Variants in TMOD3 observed in about 807,000 individuals in gnomAD.
TMOD3 encodes the protein tropomodulin 3, also known as tropomodulin-3.
A neutral mutation model predicts 39.2 loss-of-function variants in TMOD3; 20 were observed. That is an observed-to-expected ratio of 0.51 (90% CI 0.36 to 0.74). TMOD3 has a LOEUF of 0.74. TMOD3 is among the 30% of genes least tolerant of loss of function. The pLI is 0.00. For synonymous variants in TMOD3, 143 were observed against 145.8 expected (o/e 0.98, Z 0.14); for missense variants, 381 against 412.8 (o/e 0.92, Z 0.67).
intron 7 of TMOD3, among the ~76,000 whole-genome samples, chr15:51,898,366 T>C (rs539592778): frequency 6.6e-6 from 1 of 152,362 alleles, no homozygotes; most frequent in South Asian, 2.1e-4. Context: ...CCGTGCTATA[T>C]AAAATACCAA....
intron 7 of TMOD3, among the ~76,000 whole-genome samples, chr15:51,898,205 C>A (rs1011693425): frequency 6.6e-6 from 1 of 152,182 alleles, no homozygotes; most frequent in African/African-American, 2.4e-5. Flanking sequence ...GCCATACAGC[C>A]TTCTTCAGCA....
At chr15:51,864,633 A>T (rs943619961) in intron 2 of TMOD3, among the ~76,000 whole-genome samples, 4 of 152,204 alleles carry the variant, frequency 2.6e-5, no homozygotes, top group African/African-American at 7.2e-5. Flanking sequence ...CATGGTCCAG[A>T]GCCTTTATTG....
chr15:51,836,448 T>G (rs940760433), intron 1 of TMOD3, among the ~76,000 whole-genome samples: 44 of 152,228 alleles, frequency 2.9e-4, no homozygotes, highest in Admixed American at 2.8e-3. Flanking sequence ...ATACTACTCT[T>G]AAGAATTCGT....
Position 51,912,851 on chromosome 15 carries a change from A to G in TMOD3, c.*4041A>G, listed in dbSNP as rs1265307734. On this transcript the variant is annotated 3_prime_UTR_variant, in exon 10 of 10. Coordinates refer to ENST00000308580, the MANE Select transcript of TMOD3 (RefSeq NM_014547.5). The stretch of plus-strand genomic sequence containing the variant: ...AAGTATCTGTAAAATTATCCTCTCC[A>G]TCAGCTCTCACTGATCATTAATGTT... 6.6e-6 allele frequency: 1 copy of G among 152,162 alleles called. No individual in the cohort carries two copies. The highest frequency in any genetic ancestry group is 1.5e-5 in the Non-Finnish European group (1 of 68,022). 9.4% of individuals were successfully genotyped at this position (152,162 alleles called of 1,614,324 possible). A position where few individuals can be genotyped will look rare whatever the true frequency, so the allele number is the denominator to read the frequency against.
Position 51,865,903 on chromosome 15 carries a change from A to AT in TMOD3, c.126+2893_126+2894insT, listed in dbSNP as rs1555386229. Among the ~76,000 whole-genome samples, 29 of 151,676 alleles carry AT rather than the reference A, an allele frequency of 1.9e-4. 1 individual carries two copies. The highest frequency in any genetic ancestry group is 3.4e-4 in the African/African-American group (14 of 41,274). On this transcript the variant is annotated intron_variant, in intron 2 of 9. Coordinates refer to ENST00000308580, the MANE Select transcript of TMOD3 (RefSeq NM_014547.5). ...CTCACTGAGTTTTTGCCAAAAAAAAAATATATATATATGTCTCCAGAAGAC... is the reference window on the plus strand; with the variant it reads ...CTCACTGAGTTTTTGCCAAAAAAAAATATATATATATATGTCTCCAGAAGAC...
chr15:51,891,386 G>A (rs2056592572), intron 5 of TMOD3, among the ~76,000 whole-genome samples: 1 of 151,792 alleles, frequency 6.6e-6, no homozygotes, highest in African/African-American at 2.4e-5. Flanking sequence ...TCTGTAAACT[G>A]TTAGTTCTAG....
At chr15:51,852,681 A>G (rs1297579736) in intron 1 of TMOD3, among the ~76,000 whole-genome samples, 1 of 152,180 alleles carries the variant, frequency 6.6e-6, no homozygotes, top group Non-Finnish European at 1.5e-5. Context: ...AGGTAGCTGG[A>G]GGAGAAAGAG....
At chr15:51,885,774 A>G (rs1388697378) in intron 3 of TMOD3, among the ~76,000 whole-genome samples, 4 of 152,294 alleles carry the variant, frequency 2.6e-5, no homozygotes, top group African/African-American at 9.6e-5. Context: ...CGCCATCGTC[A>G]TCATGGCCCG....
intron 1 of TMOD3, among the ~76,000 whole-genome samples, chr15:51,843,513 T>C (rs749725936): frequency 6.6e-6 from 1 of 152,190 alleles, no homozygotes; most frequent in Non-Finnish European, 1.5e-5. Context: ...GATACAGATG[T>C]TAGAGCAGGA....
chr15:51,866,555 C>T (rs960955958), intron 2 of TMOD3, among the ~76,000 whole-genome samples: 1 of 152,134 alleles, frequency 6.6e-6, no homozygotes, highest in Admixed American at 6.5e-5. Context: ...GCCAGGATTT[C>T]AGCTATCATA....
At chr15:51,894,583 C>G (rs1349099317) in intron 6 of TMOD3, among the ~76,000 whole-genome samples, 1 of 152,098 alleles carries the variant, frequency 6.6e-6, no homozygotes, top group Non-Finnish European at 1.5e-5. Flanking sequence ...ATTCTCTGAC[C>G]CCCAGCTCTA....
chr15:51,872,583 T>G (rs1173863871), intron 3 of TMOD3, among the ~76,000 whole-genome samples: 1 of 150,670 alleles, frequency 6.6e-6, no homozygotes, highest in Non-Finnish European at 1.5e-5. Flanking sequence ...CATATATTTT[T>G]TGTGAGGACC....
chr15:51,901,572 AGTGTGTGTGTGTGTGT>A (rs57976840), intron 8 of TMOD3: 62 of 184,896 alleles, frequency 3.4e-4, no homozygotes, highest in South Asian at 1.3e-3. Context: ...TAAAAAGTTT[AGTGTGTGTGTGTGTGT>A]GTGTGTGTGT....
In TMOD3 at chr15:51,910,880, T is replaced by C. The variant is rs1239673598; in HGVS notation, c.*2070T>C. ...GTCAGTTAAAGGCCACTGATATTTT[T>C]CTAAGTTAGCAAGGCTCACTTGCTT... On this transcript the variant is annotated 3_prime_UTR_variant, in exon 10 of 10. Transcript: ENST00000308580. 1.3e-5 allele frequency: 2 copies of C among 152,212 alleles called. No homozygotes were observed. The highest frequency in any genetic ancestry group is 2.4e-5 in the African/African-American group (1 of 41,450). The allele number at this position is 152,212 out of a possible 1,614,324, so 9.4% of individuals were successfully genotyped here. A position where few individuals can be genotyped will look rare whatever the true frequency, so the allele number is the denominator to read the frequency against.
chr15:51,867,538 T>C (rs1458865962), intron 2 of TMOD3, among the ~76,000 whole-genome samples: 1 of 152,236 alleles, frequency 6.6e-6, no homozygotes, highest in Non-Finnish European at 1.5e-5. Context: ...AAAATTATTA[T>C]GTGTCTCAAC....
At chr15:51,854,929 C>A (rs771180149) in intron 1 of TMOD3, among the ~76,000 whole-genome samples, 9 of 151,976 alleles carry the variant, frequency 5.9e-5, no homozygotes, top group Non-Finnish European at 1.3e-4. Flanking sequence ...TCCTGGAAGT[C>A]CAGTGTGAAA....
intron 6 of TMOD3, among the ~76,000 whole-genome samples, chr15:51,894,919 T>C (rs956179110): frequency 1.3e-5 from 2 of 152,212 alleles, no homozygotes; most frequent in African/African-American, 4.8e-5. Flanking sequence ...TATTTTGAGT[T>C]TTAAACAATG....
chr15:51,861,008 GA>G, intron 1 of TMOD3: 1 of 674,152 alleles, frequency 1.5e-6, no homozygotes, highest in Non-Finnish European at 2.5e-6. Context: ...AGGCACTTCG[GA>G]AAACACCTTG....
chr15:51,894,590 T>C (rs1036690853), intron 6 of TMOD3, among the ~76,000 whole-genome samples: 1 of 152,188 alleles, frequency 6.6e-6, no homozygotes, highest in Non-Finnish European at 1.5e-5. Flanking sequence ...GACCCCCAGC[T>C]CTAGCCCCTG....
Sources: gnomAD v4.1 joint callset for allele counts (sites outside exome capture counted in the v4.1 genomes callset) on GRCh38, gnomAD v4.1.1 for gene constraint, MANE v1.5 for transcripts, NCBI Gene and HGNC (gene_info 2026-07-23, HGNC 2026-07-21) for gene names.